The following SEMA5A variants were observed in gnomAD, a reference collection of about 807,000 sequenced individuals.
SEMA5A encodes the protein semaphorin-5A.
SEMA5A carries 55 observed loss-of-function variants against 135.5 expected under a neutral mutation model. That is an observed-to-expected ratio of 0.41 (90% CI 0.33 to 0.51). SEMA5A has a LOEUF of 0.51. SEMA5A is among the 20% of genes least tolerant of loss of function. The pLI, the probability that SEMA5A is intolerant of heterozygous loss-of-function variation, is 0.37. For missense variants in SEMA5A, 1,290 were observed against 1,419.9 expected, an observed-to-expected ratio of 0.91 and a Z score of 1.47; for synonymous variants, 580 against 546.5, an observed-to-expected ratio of 1.06 and a Z score of -0.85.
At chr5:9,169,459 G>C (rs1489521578) in intron 11 of SEMA5A, among the ~76,000 whole-genome samples, 5 of 152,122 alleles carry the variant, frequency 3.3e-5, no homozygotes, top group Non-Finnish European at 5.9e-5. Flanking sequence ...TTGGATGATA[G>C]CCACGGCATG....
intron 19 of SEMA5A, 68 bp downstream of exon 19, chr5:9,054,019 A>T: frequency 1.3e-6 from 2 of 1,507,250 alleles, no homozygotes; most frequent in Non-Finnish European, 1.8e-6. Context: ...CATCAATTAC[A>T]CCATTTATCC....
At chr5:9,232,806 C>T (rs971986153) in intron 6 of SEMA5A, among the ~76,000 whole-genome samples, 2 of 152,180 alleles carry the variant, frequency 1.3e-5, no homozygotes, top group Admixed American at 1.3e-4. Context: ...AAAGTACCCT[C>T]AATTTTTAAA....
rs1238254504 is a variant in SEMA5A, at chr5:9,438,284, C to T, written c.-174-432G>A. On this transcript the variant is annotated intron_variant, in intron 1 of 22. Coordinates refer to ENST00000382496, the MANE Select transcript of SEMA5A (RefSeq NM_003966.3). ...CCTTATACAATTCAAGAACAGGAGA[C>T]AAAGGCAGTAGCACAAACTCTGCTA... is the stretch of plus-strand genomic sequence containing the variant. Among the ~76,000 whole-genome samples the T allele has an allele frequency of 8.5e-5, 13 of 152,230 alleles. No homozygotes were observed. The South Asian group carries it at 2.1e-3, about 24-fold the overall frequency.
chr5:9,264,879 G>C (rs1749599499), intron 5 of SEMA5A, among the ~76,000 whole-genome samples: 1 of 152,142 alleles, frequency 6.6e-6, no homozygotes, highest in South Asian at 2.1e-4. Flanking sequence ...TGACTTCGGG[G>C]TGGGAAGAAA....
chr5:9,159,776 A>G (rs1579508693), intron 11 of SEMA5A, among the ~76,000 whole-genome samples: 1 of 152,246 alleles, frequency 6.6e-6, no homozygotes, highest in African/African-American at 2.4e-5. Context: ...AGCACTATTT[A>G]TAATAGCAAA....
chr5:9,507,637 G>C (rs1393963349), intron 1 of SEMA5A, among the ~76,000 whole-genome samples: 2 of 152,168 alleles, frequency 1.3e-5, no homozygotes, highest in Non-Finnish European at 2.9e-5. Context: ...TGCAAGTGCT[G>C]AATGGTGACC....
intron 16 of SEMA5A, among the ~76,000 whole-genome samples, chr5:9,094,239 A>G (rs1579380924): frequency 6.6e-6 from 1 of 152,216 alleles, no homozygotes; most frequent in African/African-American, 2.4e-5. Flanking sequence ...AAATTCTGCA[A>G]AGTATAGTAC....
chr5:9,499,705 C>T (rs560732048), intron 1 of SEMA5A, among the ~76,000 whole-genome samples: 4 of 152,306 alleles, frequency 2.6e-5, no homozygotes, highest in East Asian at 3.9e-4. Context: ...AAGGATACTA[C>T]AGCAATAGCA....
intron 1 of SEMA5A, among the ~76,000 whole-genome samples, chr5:9,492,683 G>A (rs932376780): frequency 6.6e-6 from 1 of 152,152 alleles, no homozygotes; most frequent in Non-Finnish European, 1.5e-5. Context: ...ATTAGCCTGT[G>A]CTAAAAAGAA....
At chr5:9,466,898 A>G (rs927087096) in intron 1 of SEMA5A, among the ~76,000 whole-genome samples, 3 of 152,228 alleles carry the variant, frequency 2.0e-5, no homozygotes, top group African/African-American at 7.2e-5. Context: ...GATTTATCAC[A>G]AGAGTGGGCA....
intron 11 of SEMA5A, among the ~76,000 whole-genome samples, chr5:9,176,277 C>T (rs1317191134): frequency 6.6e-6 from 1 of 152,092 alleles, no homozygotes; most frequent in Non-Finnish European, 1.5e-5. Context: ...TGCAGGTGGT[C>T]TTAGGATGTG....
At chr5:9,061,320 C>A (rs1380758249) in intron 18 of SEMA5A, among the ~76,000 whole-genome samples, 2 of 152,180 alleles carry the variant, frequency 1.3e-5, no homozygotes, top group African/African-American at 4.8e-5. Flanking sequence ...TTAACCAACT[C>A]TTTGTTTCCT....
intron 2 of SEMA5A, among the ~76,000 whole-genome samples, chr5:9,413,293 T>A (rs1171223747): frequency 1.3e-5 from 2 of 152,226 alleles, no homozygotes; most frequent in African/African-American, 4.8e-5. Context: ...CGTAACCATC[T>A]ACACTAGATA....
At chr5:9,429,256 A>G (rs780349903) in intron 2 of SEMA5A, among the ~76,000 whole-genome samples, 7 of 152,214 alleles carry the variant, frequency 4.6e-5, no homozygotes, top group Non-Finnish European at 8.8e-5. Context: ...TCTCTTAGCC[A>G]AGCCCATAGC....
rs55679317 is a variant in SEMA5A, at chr5:9,207,851, T to TGATAGATAGATA, written c.647-5623_647-5612dup. On this transcript the variant is annotated intron_variant, in intron 8 of 22. Transcript: ENST00000382496. Reference sequence around the variant, plus strand: ...GAGGTTTCTACTAAAAGACAGATGATGATAGATAGATAGATAGATAGATAG... The same window carrying TGATAGATAGATA: ...GAGGTTTCTACTAAAAGACAGATGATGATAGATAGATAGATAGATAGATAGATAGATAGATAG... Among the ~76,000 whole-genome samples, 146 of 146,088 alleles carry TGATAGATAGATA rather than the reference T, an allele frequency of 1.0e-3. No homozygotes were observed. The Middle Eastern group carries it at 0.01, about 10-fold the overall frequency.
intron 5 of SEMA5A, among the ~76,000 whole-genome samples, chr5:9,242,981 A>T (rs1287950329): frequency 6.6e-6 from 1 of 152,182 alleles, no homozygotes; most frequent in African/African-American, 2.4e-5. Flanking sequence ...ATTTTCTTTC[A>T]CATAATAACA....
chr5:9,328,045 T>C (rs949856596), intron 4 of SEMA5A, among the ~76,000 whole-genome samples: 15 of 152,220 alleles, frequency 9.9e-5, no homozygotes, highest in African/African-American at 3.4e-4. Flanking sequence ...ATCTGAGATC[T>C]TTTTTCTCAT....
chr5:9,103,366 G>C (rs1356825102), intron 16 of SEMA5A, among the ~76,000 whole-genome samples: 2 of 152,128 alleles, frequency 1.3e-5, no homozygotes, highest in Non-Finnish European at 2.9e-5. Flanking sequence ...CGTTTCATTT[G>C]CTCTGAAGAT....
chr5:9,399,737 C>A (rs1756565327), intron 2 of SEMA5A, among the ~76,000 whole-genome samples: 1 of 152,082 alleles, frequency 6.6e-6, no homozygotes, highest in Non-Finnish European at 1.5e-5. Flanking sequence ...TAGGGTGTGG[C>A]TGATGACGGA....
Sources: allele counts gnomAD v4.1 joint callset (sites outside exome capture counted in the v4.1 genomes callset), GRCh38; gene constraint gnomAD v4.1.1; transcripts MANE v1.5; gene names NCBI Gene and HGNC (gene_info 2026-07-23, HGNC 2026-07-21).